GALNS: variants seen among roughly 807,000 people sequenced by gnomAD.
GALNS encodes galactosamine (N-acetyl)-6-sulfatase, also known as N-acetylgalactosamine-6-sulfatase.
Under a neutral mutation model 65.9 loss-of-function variants are expected in GALNS, and 65 were observed. The ratio of observed to expected loss-of-function variants is 0.99; its 90% CI spans 0.81 to 1.21. GALNS has a LOEUF of 1.21. GALNS is among the 50% of genes most tolerant of loss of function. The pLI is 0.00. For missense variants in GALNS, 776 were observed against 700.7 expected, an observed-to-expected ratio of 1.11 and a Z score of -1.21; for synonymous variants, 346 against 288.9, an observed-to-expected ratio of 1.20 and a Z score of -2.00.
intron 1 of GALNS, chr16:88,855,934 C>T (rs528315968): frequency 5.4e-6 from 3 of 559,948 alleles, no homozygotes; most frequent in South Asian, 2.1e-5. Flanking sequence ...AACGTGAGCA[C>T]GGCGGGACAG....
rs1317468827 is a variant in GALNS at position 88,842,697 on chromosome 16, C to A, written c.244+9G>T. ...CCCCTTCCTGGGGGCGAGGGCCCCGCTGACTTACATGGCGAGCACAGAGGG... is the reference window on the plus strand; with the variant it reads ...CCCCTTCCTGGGGGCGAGGGCCCCGATGACTTACATGGCGAGCACAGAGGG... On this transcript the variant is annotated intron_variant, in intron 2 of 13. Coordinates refer to ENST00000268695, the MANE Select transcript of GALNS (RefSeq NM_000512.5). 2 of 1,612,110 alleles carry A rather than the reference C, an allele frequency of 1.2e-6. No homozygotes were observed. Among genetic ancestry groups the A allele is most frequent in the Admixed American group, 1.7e-5 (1 of 59,838 alleles).
chr16:88,814,238 C>T lies in GALNS; in HGVS notation c.*201G>A, dbSNP rs530707327. ...AGGAGGAGGGTCCTGAAATCTGAGG[C>T]GCCGTGGGCGAGGAGGAGGGCCAAG... On this transcript the variant is annotated 3_prime_UTR_variant, in exon 14 of 14. Coordinates refer to ENST00000268695, the MANE Select transcript of GALNS (RefSeq NM_000512.5). 22 of 690,022 alleles carry T rather than the reference C, an allele frequency of 3.2e-5. No individual in the cohort carries two copies. The highest frequency in any genetic ancestry group is 3.9e-4 in the Middle Eastern group (1 of 2,540). 42.7% of individuals were successfully genotyped at this position (690,022 alleles called of 1,614,324 possible).
chr16:88,849,851 G>C (rs1056339724), intron 1 of GALNS, among the ~76,000 whole-genome samples: 7 of 152,240 alleles, frequency 4.6e-5, no homozygotes, highest in African/African-American at 1.7e-4. Flanking sequence ...GGGAGGACAG[G>C]GGGCAGGACG....
chr16:88,853,874 T>G (rs1352922472), intron 1 of GALNS, among the ~76,000 whole-genome samples: 1 of 152,128 alleles, frequency 6.6e-6, no homozygotes, highest in Admixed American at 6.5e-5. Flanking sequence ...TGCCAGCTGC[T>G]CTCACCCCTG....
intron 8 of GALNS, among the ~76,000 whole-genome samples, chr16:88,833,214 C>A (rs767314900): frequency 6.6e-6 from 1 of 152,134 alleles, no homozygotes; most frequent in Non-Finnish European, 1.5e-5. Flanking sequence ...AGCCTCTGAA[C>A]GGAACCTCGC....
At chr16:88,825,573 G>C (rs1156719533) in intron 10 of GALNS, among the ~76,000 whole-genome samples, 1 of 84,622 alleles carries the variant, frequency 1.2e-5, no homozygotes, top group Non-Finnish European at 3.0e-5. Context: ...TGGGATTCCT[G>C]GGCAGCTGGG....
At position 88,856,796 on chromosome 16, in the gene GALNS, G is replaced by T. The variant is rs1260680833; in HGVS notation, c.82C>A (p.Pro28Thr). Residue 28 changes from proline (P) to threonine (T), a missense_variant, in exon 1 of 14, where the codon CCG (proline) becomes ACG (threonine). Transcript: ENST00000268695. ...AGGAGCAGGATGTTGGGGGGCTGCG[G>T]GGCGCCCGAGGCCCCCATCCCCGCG... is the stretch of plus-strand genomic sequence containing the variant. ...SAAGMGASGA[P>T]QPPNILLLLM... 1 of 1,541,730 alleles carries T rather than the reference G, an allele frequency of 6.5e-7. No homozygotes were observed. The highest frequency in any genetic ancestry group is 2.5e-5 in the East Asian group (1 of 39,868).
intron 8 of GALNS, among the ~76,000 whole-genome samples, 195 bp from the exon 9 acceptor site, chr16:88,832,296 T>C (rs1370336538): frequency 6.6e-6 from 1 of 152,100 alleles, no homozygotes; most frequent in Non-Finnish European, 1.5e-5. Context: ...CAAAGTCTCC[T>C]GGAGAAAGTG....
At chr16:88,819,551 T>C (rs1395792264) in intron 12 of GALNS, among the ~76,000 whole-genome samples, 1 of 152,188 alleles carries the variant, frequency 6.6e-6, no homozygotes, top group Non-Finnish European at 1.5e-5. Flanking sequence ...TTCATTTATT[T>C]TTTAGAGACA....
chr16:88,853,034 T>C lies in GALNS; in HGVS notation c.120+3724A>G, dbSNP rs528389635. ...GGGAGGCTGAGGCAGGCAGATCACC[T>C]GAGGTCAGGAGTTTCAGGCCAGACT... On this transcript the variant is annotated intron_variant, in intron 1 of 13. Coordinates refer to ENST00000268695, the MANE Select transcript of GALNS (RefSeq NM_000512.5). Among the ~76,000 whole-genome samples the C allele has an allele frequency of 1.3e-4, 20 of 152,200 alleles. No homozygotes were observed. In the South Asian group the frequency reaches 3.5e-3, roughly 27 times the overall value.
intron 13 of GALNS, chr16:88,816,444 G>A (rs974425059): frequency 1.3e-5 from 13 of 985,286 alleles, no homozygotes; most frequent in African/African-American, 3.5e-5. Flanking sequence ...GTCCAGAGGC[G>A]GGGACGCCAG....
chr16:88,856,495 G>A (rs772775448), intron 1 of GALNS: 3 of 699,072 alleles, frequency 4.3e-6, no homozygotes, highest in Admixed American at 2.0e-5. Context: ...CAGTGGCAGC[G>A]CGTGTGGTGA....
At chr16:88,831,913 G>A in intron 9 of GALNS, 85 bp downstream of exon 9, 1 of 1,119,654 alleles carries the variant, frequency 8.9e-7, no homozygotes, top group South Asian at 1.3e-5. Flanking sequence ...GTGCATGGGG[G>A]AGGTGGCCAG....
intron 1 of GALNS, among the ~76,000 whole-genome samples, chr16:88,846,556 G>A (rs1000143533): frequency 1.5e-5 from 2 of 130,000 alleles, no homozygotes; most frequent in East Asian, 4.5e-4. Flanking sequence ...TGCTGTTGTC[G>A]CCCAGGCTGG....
intron 1 of GALNS, among the ~76,000 whole-genome samples, chr16:88,849,489 G>A (rs959235842): frequency 6.6e-6 from 1 of 152,132 alleles, no homozygotes; most frequent in African/African-American, 2.4e-5. Context: ...GTTTCACCAT[G>A]TTGGCCAGGC....
At position 88,814,360 on chromosome 16, in the gene GALNS, C is replaced by G; in HGVS notation, c.*79G>C. On this transcript the variant is annotated 3_prime_UTR_variant, in exon 14 of 14. Coordinates refer to ENST00000268695, the MANE Select transcript of GALNS (RefSeq NM_000512.5). ...GGCTTGGGCAGGGTTGGGGGAGGAC[C>G]GAGGCCAGAGCCATCCTTCCTCCAG... 5 of 1,535,250 alleles carry G rather than the reference C, an allele frequency of 3.3e-6. No individual in the cohort carries two copies. Among genetic ancestry groups the G allele is most frequent in the Non-Finnish European group, 2.6e-6 (3 of 1,135,026 alleles).
At position 88,842,925 on chromosome 16, in the gene GALNS, G is replaced by A. The variant is rs898011940; in HGVS notation, c.121-96C>T. 5.5e-5 allele frequency: 85 copies of A among 1,550,014 alleles called. 1 individual carries two copies. The Admixed American group carries it at 1.3e-3, about 23-fold the overall frequency. On this transcript the variant is annotated intron_variant, in intron 1 of 13. Transcript: ENST00000268695. ...TGGTGCCAAGAGCGTGTCGGGGACC[G>A]TGGAAGCCAGCACCACCCTGTGTCC...
At chr16:88,855,350 T>C (rs1967757739) in intron 1 of GALNS, 1 of 700,440 alleles carries the variant, frequency 1.4e-6, no homozygotes, top group African/African-American at 1.8e-5. Flanking sequence ...AAAGAAGAAA[T>C]TCTGAAACAA....
At chr16:88,854,752 C>T (rs1184756965) in intron 1 of GALNS, among the ~76,000 whole-genome samples, 4 of 152,366 alleles carry the variant, frequency 2.6e-5, no homozygotes, top group African/African-American at 4.8e-5. Context: ...AGGGGAAACT[C>T]GCCAGGCGGC....
Sources: allele counts gnomAD v4.1 joint callset (sites outside exome capture counted in the v4.1 genomes callset), GRCh38; gene constraint gnomAD v4.1.1; transcripts MANE v1.5; gene names NCBI Gene and HGNC (gene_info 2026-07-23, HGNC 2026-07-21).